The following MSRB3 variants were observed in gnomAD, a reference collection of about 807,000 sequenced individuals.
MSRB3 encodes the protein methionine sulfoxide reductase B3.
In MSRB3, 13 loss-of-function variants were observed where a neutral mutation model predicts 21.0. That is an observed-to-expected ratio of 0.62 (90% CI 0.40 to 0.98). The LOEUF (loss-of-function observed/expected upper bound fraction) is 0.98. MSRB3 is among the 50% of genes least tolerant of loss of function. The probability of loss-of-function intolerance (pLI) is 0.00; values close to 1 mark genes in which losing one functional copy is unlikely to be tolerated. For synonymous variants in MSRB3, 87 were observed against 88.6 expected (o/e 0.98, Z 0.10); for missense variants, 199 against 230.3 (o/e 0.86, Z 0.88).
intron 5 of MSRB3, among the ~76,000 whole-genome samples, chr12:65,422,961 CTTTTTTTTT>C (rs141803317): frequency 2.4e-5 from 3 of 124,338 alleles, no homozygotes; most frequent in Non-Finnish European, 4.9e-5. Context: ...TTAGGGTTTT[CTTTTTTTTT>C]TTTTTTTTTG....
chr12:65,287,115 T>C (rs1167932010), intron 1 of MSRB3, among the ~76,000 whole-genome samples: 1 of 150,156 alleles, frequency 6.7e-6, no homozygotes, highest in Non-Finnish European at 1.5e-5. Flanking sequence ...AATTTTATGT[T>C]TGTTCTTTCA....
chr12:65,280,501 A>G (rs1356349335), intron 1 of MSRB3, among the ~76,000 whole-genome samples: 1 of 152,226 alleles, frequency 6.6e-6, no homozygotes, highest in Non-Finnish European at 1.5e-5. Context: ...CGAAGACCAG[A>G]ATCCACTGTA....
At chr12:65,452,994 C>G (rs887016333) in intron 5 of MSRB3, among the ~76,000 whole-genome samples, 1 of 152,110 alleles carries the variant, frequency 6.6e-6, no homozygotes, top group Admixed American at 6.5e-5. Context: ...TTTGTACAAT[C>G]CTATGATCCA....
At chr12:65,358,847 ATG>A in intron 4 of MSRB3, among the ~76,000 whole-genome samples, 1 of 151,940 alleles carries the variant, frequency 6.6e-6, no homozygotes, top group South Asian at 2.1e-4. Context: ...ACTCCTTACA[ATG>A]GTGTTTAAAG....
chr12:65,394,354 A>G (rs1481958610), intron 5 of MSRB3, among the ~76,000 whole-genome samples: 1 of 152,236 alleles, frequency 6.6e-6, no homozygotes, highest in Non-Finnish European at 1.5e-5. Context: ...AGATAAAATG[A>G]ACAAATTCTT....
chr12:65,416,358 A>G lies in MSRB3; in HGVS notation c.293-37370A>G, dbSNP rs907649544. ...TAAACAGAGTCCTGGAATTTGAAAA[A>G]CACCTATCCATTAGGTACTGCAGGA... On this transcript the variant is annotated intron_variant, in intron 5 of 6. Transcript: ENST00000308259. Among the ~76,000 whole-genome samples, 24 of 152,294 alleles carry G rather than the reference A, an allele frequency of 1.6e-4. 1 individual carries two copies. Among genetic ancestry groups the G allele is most frequent in the African/African-American group, 5.8e-4 (24 of 41,572 alleles).
intron 5 of MSRB3, among the ~76,000 whole-genome samples, chr12:65,436,322 TTCCAAATTATGATAATTAGTAGA>T (rs1226964528): frequency 6.6e-6 from 1 of 151,934 alleles, no homozygotes; most frequent in African/African-American, 2.4e-5. Flanking sequence ...TAATTACTAC[TTCCAAATTATGATAATTAGTAGA>T]TCCACCATTA....
intron 5 of MSRB3, among the ~76,000 whole-genome samples, chr12:65,435,637 A>C (rs1882080291): frequency 1.3e-5 from 2 of 151,888 alleles, no homozygotes; most frequent in Non-Finnish European, 1.5e-5. Context: ...GATTCAGGTT[A>C]TATTTTCTAT....
intron 5 of MSRB3, among the ~76,000 whole-genome samples, chr12:65,387,362 T>TA (rs1245891294): frequency 1.3e-5 from 2 of 152,086 alleles, no homozygotes; most frequent in East Asian, 1.9e-4. Context: ...CGCTGAGTGT[T>TA]ACTATTATCT....
chr12:65,373,185 G>C (rs958983790), intron 5 of MSRB3, among the ~76,000 whole-genome samples: 3 of 152,116 alleles, frequency 2.0e-5, no homozygotes, highest in Non-Finnish European at 2.9e-5. Flanking sequence ...ATTTGGAAAA[G>C]CAGAGCTCTT....
chr12:65,288,301 C>G (rs1872502978), intron 1 of MSRB3, among the ~76,000 whole-genome samples: 2 of 149,112 alleles, frequency 1.3e-5, no homozygotes, highest in Non-Finnish European at 3.0e-5. Context: ...GACCCCGTCC[C>G]CCCCGCAAAA....
At chr12:65,324,648 A>G (rs1054659648) in intron 2 of MSRB3, among the ~76,000 whole-genome samples, 10 of 152,200 alleles carry the variant, frequency 6.6e-5, no homozygotes, top group Admixed American at 3.3e-4. Context: ...GATTCATGAG[A>G]GAGGGAGAAT....
In MSRB3 at chr12:65,346,373, T is replaced by A. The variant is rs1271468449; in HGVS notation, c.263+17770T>A. On this transcript the variant is annotated intron_variant, in intron 4 of 6. Transcript: ENST00000308259. ...TTTTTTCATGTGTTTTTTGGCTACA[T>A]AAATGTCTCCTTTTGAGAAGTGTCT... Among the ~76,000 whole-genome samples, 5 of 152,314 alleles carry A rather than the reference T, an allele frequency of 3.3e-5. No homozygotes were observed. The South Asian group carries it at 8.3e-4, about 25-fold the overall frequency.
At chr12:65,352,541 A>G (rs1286709082) in intron 4 of MSRB3, among the ~76,000 whole-genome samples, 1 of 151,936 alleles carries the variant, frequency 6.6e-6, no homozygotes, top group African/African-American at 2.4e-5. Context: ...TTTGCAGACG[A>G]CATGATTGTA....
chr12:65,419,616 G>A (rs1269040017), intron 5 of MSRB3: 3 of 711,618 alleles, frequency 4.2e-6, no homozygotes, highest in Non-Finnish European at 7.8e-6. Context: ...GAGCCCTCAG[G>A]TCCTCGATGG....
rs565825898 is a variant in MSRB3, at chr12:65,323,911, T to C, written c.77-2915T>C. On this transcript the variant is annotated intron_variant, in intron 2 of 6. Coordinates refer to ENST00000308259, the MANE Select transcript of MSRB3 (RefSeq NM_001031679.3). Reference sequence around the variant, plus strand: ...TTAAATGGTGTGGCAAGATATTTATTAAAATCTGACCAACTTCTCATTGAA... The same window carrying C: ...TTAAATGGTGTGGCAAGATATTTATCAAAATCTGACCAACTTCTCATTGAA... Among the ~76,000 whole-genome samples, 414 of 152,284 alleles carry C rather than the reference T, an allele frequency of 2.7e-3. 1 individual carries two copies. The highest frequency in any genetic ancestry group is 9.6e-3 in the African/African-American group (397 of 41,558).
intron 5 of MSRB3, among the ~76,000 whole-genome samples, chr12:65,381,750 A>T (rs1878948269): frequency 6.6e-6 from 1 of 151,970 alleles, no homozygotes; most frequent in Admixed American, 6.6e-5. Context: ...ATTTAAAGTA[A>T]ATTTTTGCTT....
chr12:65,350,012 A>G (rs1022397284), intron 4 of MSRB3, among the ~76,000 whole-genome samples: 6 of 151,186 alleles, frequency 4.0e-5, no homozygotes, highest in Non-Finnish European at 5.9e-5. Context: ...GGTGATGCCT[A>G]GGTTTTCTTC....
At chr12:65,300,391 A>G (rs1210191379) in intron 1 of MSRB3, among the ~76,000 whole-genome samples, 1 of 152,166 alleles carries the variant, frequency 6.6e-6, no homozygotes, top group African/African-American at 2.4e-5. Flanking sequence ...TTTAGGATAG[A>G]AGGGATGACT....
Sources: gnomAD v4.1 joint callset for allele counts (sites outside exome capture counted in the v4.1 genomes callset) on GRCh38, gnomAD v4.1.1 for gene constraint, MANE v1.5 for transcripts, NCBI Gene and HGNC (gene_info 2026-07-23, HGNC 2026-07-21) for gene names.